KCNJ6: variants seen among roughly 807,000 people sequenced by gnomAD.
KCNJ6 encodes G protein-activated inward rectifier potassium channel 2.
In KCNJ6, 9 loss-of-function variants were observed where a neutral mutation model predicts 34.2. The ratio of observed to expected loss-of-function variants is 0.26; its 90% confidence interval spans 0.16 to 0.46. KCNJ6 has a LOEUF of 0.46. Ranked by LOEUF, KCNJ6 falls within the 20% of genes least tolerant of loss-of-function variation. The pLI, the probability that KCNJ6 is intolerant of heterozygous loss-of-function variation, is 1.00. For synonymous variants in KCNJ6, 196 were observed against 207.1 expected (o/e 0.95, Z 0.46); for missense variants, 236 against 531.3 (o/e 0.44, Z 5.46).
intron 2 of KCNJ6, among the ~76,000 whole-genome samples, chr21:37,754,665 G>A (rs2055014848): frequency 6.6e-6 from 1 of 152,208 alleles, no homozygotes; most frequent in Non-Finnish European, 1.5e-5. Context: ...GAGCGTGAAA[G>A]GTTTTTGCAA....
At chr21:37,681,438 A>G (rs2054590107) in intron 3 of KCNJ6, among the ~76,000 whole-genome samples, 1 of 152,182 alleles carries the variant, frequency 6.6e-6, no homozygotes, top group South Asian at 2.1e-4. Context: ...GACAGCTCTT[A>G]TGTTGGTTTT....
chr21:37,748,658 C>G (rs546982990), intron 2 of KCNJ6, among the ~76,000 whole-genome samples: 1 of 152,196 alleles, frequency 6.6e-6, no homozygotes, highest in Non-Finnish European at 1.5e-5. Flanking sequence ...CTGGGTCTTC[C>G]GCTTCTCCCC....
rs60006502 is a variant in KCNJ6 at position 37,617,136 on chromosome 21, T to TTTCCTTCC, written c.*8015_*8022dup. The TTTCCTTCC allele has an allele frequency of 2.1e-3, 269 of 125,732 alleles. No individual in the cohort carries two copies. The highest frequency in any genetic ancestry group is 3.1e-3 in the Non-Finnish European group (189 of 61,534). 7.8% of individuals were successfully genotyped at this position (125,732 alleles called of 1,614,324 possible). On this transcript the variant is annotated 3_prime_UTR_variant, in exon 4 of 4. Coordinates refer to ENST00000609713, the MANE Select transcript of KCNJ6 (RefSeq NM_002240.5). ...TCCTTCTTCCTTCCTTCCTTCTTTC[T>TTTCCTTCC]TTCCTTCCTTCCTTCCTTCTTTCTT... is the stretch of plus-strand genomic sequence containing the variant.
chr21:37,835,858 T>C (rs1477199367), intron 2 of KCNJ6, among the ~76,000 whole-genome samples: 1 of 152,198 alleles, frequency 6.6e-6, no homozygotes, highest in African/African-American at 2.4e-5. Context: ...GGCTTTCTGG[T>C]TGCCTCATTT....
chr21:37,642,081 G>C (rs2054383299), intron 3 of KCNJ6, among the ~76,000 whole-genome samples: 1 of 152,210 alleles, frequency 6.6e-6, no homozygotes, highest in South Asian at 2.1e-4. Context: ...TTACATTGTT[G>C]TGGCTTTGAC....
At chr21:37,840,534 ATCTCGG>A in intron 2 of KCNJ6, 118 bp downstream of exon 2, 2 of 659,232 alleles carry the variant, frequency 3.0e-6, no homozygotes, top group Non-Finnish European at 5.4e-6. Context: ...TGTGAAACAG[ATCTCGG>A]TCCCGTAAGA....
intron 1 of KCNJ6, among the ~76,000 whole-genome samples, chr21:37,882,620 A>T (rs1022796334): frequency 1.3e-5 from 2 of 152,218 alleles, no homozygotes; most frequent in African/African-American, 4.8e-5. Flanking sequence ...GGTTTATAGA[A>T]AACAGCAAGA....
chr21:37,812,627 A>C (rs1321197136), intron 2 of KCNJ6, among the ~76,000 whole-genome samples: 1 of 152,240 alleles, frequency 6.6e-6, no homozygotes, highest in East Asian at 1.9e-4. Context: ...CAAATCAATC[A>C]ATGTGATACA....
rs1239495059 is a variant in KCNJ6, at chr21:37,660,911, C to T, written c.947-35427G>A. 2.0e-5 allele frequency among the ~76,000 whole-genome samples: 3 copies of T among 152,348 alleles called. No individual in the cohort carries two copies. In the East Asian group the frequency reaches 5.8e-4, roughly 29 times the overall value. Reference sequence around the variant, plus strand: ...AAGGTTGAGAAAGTGAAAATGTGCACACCTAAGCAGATTGATGGAACATCT... The same window carrying T: ...AAGGTTGAGAAAGTGAAAATGTGCATACCTAAGCAGATTGATGGAACATCT... On this transcript the variant is annotated intron_variant, in intron 3 of 3. Coordinates refer to ENST00000609713, the MANE Select transcript of KCNJ6 (RefSeq NM_002240.5).
chr21:37,749,248 A>G (rs897699347), intron 2 of KCNJ6, among the ~76,000 whole-genome samples: 2 of 152,146 alleles, frequency 1.3e-5, no homozygotes, highest in African/African-American at 4.8e-5. Context: ...GGGCAGAAGG[A>G]AGTAGCACTG....
At chr21:37,683,696 C>T (rs1448749814) in intron 3 of KCNJ6, among the ~76,000 whole-genome samples, 1 of 152,180 alleles carries the variant, frequency 6.6e-6, no homozygotes, top group South Asian at 2.1e-4. Flanking sequence ...CAGAAGCCAA[C>T]CCCAAGGGAG....
At chr21:37,913,484 G>A (rs2055876797) in intron 1 of KCNJ6, among the ~76,000 whole-genome samples, 1 of 152,170 alleles carries the variant, frequency 6.6e-6, no homozygotes, top group Non-Finnish European at 1.5e-5. Context: ...AGACCGAGAG[G>A]AAACTATATC....
intron 1 of KCNJ6, among the ~76,000 whole-genome samples, chr21:37,884,310 C>T (rs1458881356): frequency 6.6e-6 from 1 of 152,138 alleles, no homozygotes; most frequent in East Asian, 1.9e-4. Flanking sequence ...AGGTGTTCAC[C>T]TTGTTCCTCT....
chr21:37,749,746 T>C (rs1416478811), intron 2 of KCNJ6, among the ~76,000 whole-genome samples: 2 of 152,180 alleles, frequency 1.3e-5, no homozygotes, highest in African/African-American at 4.8e-5. Context: ...ATATTGGAGG[T>C]TGAAAAACGG....
At chr21:37,850,939 T>C (rs2055534218) in intron 1 of KCNJ6, among the ~76,000 whole-genome samples, 1 of 152,214 alleles carries the variant, frequency 6.6e-6, no homozygotes, top group South Asian at 2.1e-4. Flanking sequence ...GAGAACTGGC[T>C]GGGTTGCAGT....
At chr21:37,721,467 C>T (rs1480366128) in intron 2 of KCNJ6, among the ~76,000 whole-genome samples, 5 of 152,192 alleles carry the variant, frequency 3.3e-5, no homozygotes, top group African/African-American at 1.2e-4. Context: ...CAGATACTTG[C>T]ACACCAGTGT....
intron 2 of KCNJ6, among the ~76,000 whole-genome samples, chr21:37,836,882 G>A (rs998600101): frequency 6.6e-6 from 1 of 152,012 alleles, no homozygotes; most frequent in Non-Finnish European, 1.5e-5. Flanking sequence ...AGAACTTAAA[G>A]TATTATATAT....
At chr21:37,894,437 G>A (rs542480469) in intron 1 of KCNJ6, among the ~76,000 whole-genome samples, 1 of 152,352 alleles carries the variant, frequency 6.6e-6, no homozygotes, top group Admixed American at 6.5e-5. Flanking sequence ...GGCCGAGGCA[G>A]GTGAATCACA....
At chr21:37,724,922 G>A (rs939753778) in intron 2 of KCNJ6, among the ~76,000 whole-genome samples, 5 of 152,146 alleles carry the variant, frequency 3.3e-5, no homozygotes, top group African/African-American at 1.2e-4. Context: ...TAAAACTACA[G>A]AAGTGTAAGA....
Sources: gnomAD v4.1 joint callset for allele counts (sites outside exome capture counted in the v4.1 genomes callset) on GRCh38, gnomAD v4.1.1 for gene constraint, MANE v1.5 for transcripts, NCBI Gene and HGNC (gene_info 2026-07-23, HGNC 2026-07-21) for gene names.